The following AMPH variants were observed in gnomAD, a reference collection of about 807,000 sequenced individuals.
The protein encoded by AMPH is amphiphysin (Stiff-Mann syndrome with breast cancer 128kD autoantigen).
A neutral mutation model predicts 99.1 loss-of-function variants in AMPH; 49 were observed. That is an observed-to-expected ratio of 0.49 (90% CI 0.39 to 0.63). AMPH has a LOEUF of 0.63. AMPH is among the 20% of genes least tolerant of loss of function. The pLI is 0.00. For missense variants in AMPH, 759 were observed against 863.4 expected (o/e 0.88, Z 1.52); for synonymous variants, 314 against 317.3 (o/e 0.99, Z 0.11).
At chr7:38,562,914 G>A (rs1463887474) in intron 1 of AMPH, among the ~76,000 whole-genome samples, 2 of 152,130 alleles carry the variant, frequency 1.3e-5, no homozygotes, top group Non-Finnish European at 2.9e-5. Context: ...CAGCTTACCT[G>A]AATGTTTCTG....
chr7:38,433,704 A>G (rs6947639), intron 12 of AMPH, among the ~76,000 whole-genome samples: 53,582 of 60,864 alleles, frequency 0.88, 24,982 homozygotes, highest in East Asian at 0.95. Context: ...CAGCCTGGGC[A>G]ACAGAGCGAG....
chr7:38,547,158 T>C (rs1468150175), intron 1 of AMPH, among the ~76,000 whole-genome samples: 1 of 152,096 alleles, frequency 6.6e-6, no homozygotes, highest in African/African-American at 2.4e-5. Flanking sequence ...CTCCCTCCCC[T>C]TGCTTTTAGG....
At chr7:38,411,050 G>A (rs1785202010) in intron 17 of AMPH, among the ~76,000 whole-genome samples, 1 of 152,244 alleles carries the variant, frequency 6.6e-6, no homozygotes, top group East Asian at 1.9e-4. Context: ...AGCATCTGGA[G>A]TAGTCAGGAG....
chr7:38,585,879 A>G (rs1260686144), intron 1 of AMPH, among the ~76,000 whole-genome samples: 1 of 152,262 alleles, frequency 6.6e-6, no homozygotes, highest in Non-Finnish European at 1.5e-5. Context: ...GTGGATACAC[A>G]GAAGATTTCA....
intron 1 of AMPH, among the ~76,000 whole-genome samples, chr7:38,573,642 G>C (rs1792128862): frequency 6.6e-6 from 1 of 152,176 alleles, no homozygotes; most frequent in Non-Finnish European, 1.5e-5. Context: ...AAATCTATCA[G>C]CCCTCTGTGG....
chr7:38,516,243 C>G (rs111434153), intron 2 of AMPH, among the ~76,000 whole-genome samples: 9 of 152,162 alleles, frequency 5.9e-5, no homozygotes, highest in Non-Finnish European at 1.3e-4. Flanking sequence ...TTCTTGGCAG[C>G]GCCTTCCATC....
intron 5 of AMPH, among the ~76,000 whole-genome samples, chr7:38,483,936 C>T (rs1466534714): frequency 6.6e-6 from 1 of 151,714 alleles, no homozygotes; most frequent in Non-Finnish European, 1.5e-5. Flanking sequence ...AAATATCAAA[C>T]AGAAATGACA....
At chr7:38,527,826 G>A (rs967831844) in intron 2 of AMPH, among the ~76,000 whole-genome samples, 1 of 152,128 alleles carries the variant, frequency 6.6e-6, no homozygotes, top group Non-Finnish European at 1.5e-5. Context: ...TCAATCTTTG[G>A]AGAAAAGCAT....
At chr7:38,495,411 G>C (rs1788894060) in intron 3 of AMPH, among the ~76,000 whole-genome samples, 1 of 152,070 alleles carries the variant, frequency 6.6e-6, no homozygotes, top group South Asian at 2.1e-4. Flanking sequence ...TCCTCTCCTA[G>C]AGGCTCAGAG....
intron 1 of AMPH, among the ~76,000 whole-genome samples, chr7:38,547,029 C>T (rs1791018138): frequency 1.3e-5 from 2 of 152,108 alleles, no homozygotes; most frequent in Admixed American, 1.3e-4. Context: ...GGAGGGAGAG[C>T]CTGGGGTTCT....
chr7:38,511,817 C>T (rs1264702437), intron 2 of AMPH, among the ~76,000 whole-genome samples: 1 of 152,110 alleles, frequency 6.6e-6, no homozygotes, highest in East Asian at 1.9e-4. Context: ...TGTTAAAGCC[C>T]CTTGGAAGAT....
intron 3 of AMPH, among the ~76,000 whole-genome samples, chr7:38,501,765 C>T (rs1789143631): frequency 9.9e-6 from 1 of 100,534 alleles, no homozygotes; most frequent in Admixed American, 1.3e-4. Context: ...AAAAAGCATA[C>T]CAAATAAATA....
At chr7:38,491,029 T>G (rs1788699000) in intron 5 of AMPH, 21 bp downstream of exon 5, 1 of 1,532,486 alleles carries the variant, frequency 6.5e-7, no homozygotes, top group African/African-American at 1.4e-5. Context: ...TCCTTCCCTT[T>G]ATAGACACAG....
intron 1 of AMPH, among the ~76,000 whole-genome samples, chr7:38,610,333 A>AAAAAGAAAAG (rs199614522): frequency 3.4e-5 from 1 of 29,814 alleles, no homozygotes; most frequent in African/African-American, 1.7e-4. Flanking sequence ...AAAGAAAAGA[A>AAAAAGAAAAG]AAAAGAAAAG....
At chr7:38,626,641 A>G (rs1794252653) in intron 1 of AMPH, among the ~76,000 whole-genome samples, 1 of 152,192 alleles carries the variant, frequency 6.6e-6, no homozygotes, top group Non-Finnish European at 1.5e-5. Flanking sequence ...ATGGGCAAAG[A>G]CTCTATGACT....
At chr7:38,454,992 C>T (rs552692658) in intron 11 of AMPH, among the ~76,000 whole-genome samples, 2 of 152,128 alleles carry the variant, frequency 1.3e-5, no homozygotes, top group South Asian at 2.1e-4. Context: ...TTGATATATA[C>T]TCAGTGATTT....
At chr7:38,485,166 T>C (rs1258002774) in intron 5 of AMPH, among the ~76,000 whole-genome samples, 2 of 151,946 alleles carry the variant, frequency 1.3e-5, no homozygotes, top group East Asian at 1.9e-4. Flanking sequence ...AAATTCCCAG[T>C]CAAAAGACAT....
chr7:38,414,172 C>T (rs2128985713), intron 17 of AMPH, among the ~76,000 whole-genome samples: 1 of 152,312 alleles, frequency 6.6e-6, no homozygotes, highest in South Asian at 2.1e-4. Flanking sequence ...AGTTGATAGA[C>T]TATAGTCTGG....
At chr7:38,413,953 G>C (rs1035165876) in intron 17 of AMPH, among the ~76,000 whole-genome samples, 1 of 152,156 alleles carries the variant, frequency 6.6e-6, no homozygotes, top group African/African-American at 2.4e-5. Context: ...GTCACTGAAG[G>C]ACACCTCAAC....
Sources: allele counts gnomAD v4.1 joint callset (sites outside exome capture counted in the v4.1 genomes callset), GRCh38; gene constraint gnomAD v4.1.1; transcripts MANE v1.5; gene names NCBI Gene and HGNC (gene_info 2026-07-23, HGNC 2026-07-21).